The following MUC13 variants were observed in gnomAD, a reference collection of about 807,000 sequenced individuals.
MUC13 encodes mucin 13, cell surface associated, also known as mucin-13.
A neutral mutation model predicts 48.3 loss-of-function variants in MUC13; 32 were observed. The ratio of observed to expected loss-of-function variants is 0.66; its 90% CI spans 0.50 to 0.89. The LOEUF is 0.89. MUC13 is among the 40% of genes least tolerant of loss of function. MUC13 has a pLI of 0.00. For missense variants in MUC13, 571 were observed against 622.8 expected (o/e 0.92, Z 0.88); for synonymous variants, 199 against 224.9 (o/e 0.88, Z 1.03).
chr3:124,921,526 G>T (rs1009831034), intron 4 of MUC13, among the ~76,000 whole-genome samples: 1 of 152,130 alleles, frequency 6.6e-6, no homozygotes, highest in Non-Finnish European at 1.5e-5. Context: ...GTATTGGCTG[G>T]ACATGCTCTG....
At chr3:124,914,261 T>C (rs986132249) in intron 6 of MUC13, among the ~76,000 whole-genome samples, 2 of 151,812 alleles carry the variant, frequency 1.3e-5, no homozygotes, top group Non-Finnish European at 2.9e-5. Flanking sequence ...AATACAAAAA[T>C]TCGCTGGGTG....
Position 124,934,689 on chromosome 3 carries a change from A to G in MUC13, c.24T>C (p.Thr8=), listed in dbSNP as rs900575450. MKAIIHL[T]LLALLSVNTA... is the part of the protein sequence containing the mutation. ...TGTTTACAGAAAGGAGAGCAAGAAGAGTAAGATGAATGATGGCTTTCATTT... is the reference window on the plus strand; with the variant it reads ...TGTTTACAGAAAGGAGAGCAAGAAGGGTAAGATGAATGATGGCTTTCATTT... The change falls in exon 1 of 12, where the codon ACT becomes ACC. Residue 8 remains threonine (T), a synonymous_variant. Transcript: ENST00000616727. 8.7e-6 allele frequency: 14 copies of G among 1,610,724 alleles called. No individual in the cohort carries two copies. The highest frequency in any genetic ancestry group is 1.3e-5 in the African/African-American group (1 of 74,902).
intron 10 of MUC13, 141 bp from the exon 11 acceptor site, chr3:124,908,489 C>T (rs1935352807): frequency 4.1e-5 from 29 of 707,470 alleles, no homozygotes; most frequent in Middle Eastern, 4.0e-4. Context: ...TATATTACGG[C>T]GTTCTCACAC....
At chr3:124,912,221 C>T (rs1935431757) in intron 8 of MUC13, 80 bp from the exon 9 acceptor site, 2 of 1,565,118 alleles carry the variant, frequency 1.3e-6, no homozygotes, top group South Asian at 1.2e-5. Flanking sequence ...CCAATCTCCA[C>T]CTCTTCCTTT....
chr3:124,928,435 G>A (rs1935733838), intron 1 of MUC13, among the ~76,000 whole-genome samples: 1 of 152,120 alleles, frequency 6.6e-6, no homozygotes, highest in Non-Finnish European at 1.5e-5. Flanking sequence ...CTGGAGTGCA[G>A]TAGTGTGATC....
At chr3:124,928,788 G>C (rs1935739245) in intron 1 of MUC13, among the ~76,000 whole-genome samples, 1 of 152,148 alleles carries the variant, frequency 6.6e-6, no homozygotes, top group South Asian at 2.1e-4. Context: ...TTCTCAGTGA[G>C]GACAATTGAG....
At position 124,908,164 on chromosome 3, in the gene MUC13, G is replaced by T. The variant is rs371626642; in HGVS notation, c.1522C>A (p.Pro508Thr). ...QNPYSRHSSM[P>T]RPDY is the part of the protein sequence containing the mutation. ...TGACTCACCTAATAGTCAGGGCGGG[G>T]CATGCTGCTGTGTCTTGAATAGGGA... Residue 508 changes from proline to threonine, a missense_variant, in exon 11 of 12, where the codon CCC (proline) becomes ACC (threonine). Pro to Thr is a conservative substitution (Grantham distance 38). Coordinates refer to ENST00000616727, the MANE Select transcript of MUC13 (RefSeq NM_033049.4). 131 of 1,614,038 alleles carry T rather than the reference G, an allele frequency of 8.1e-5. No individual in the cohort carries two copies. The highest frequency in any genetic ancestry group is 1.1e-4 in the Non-Finnish European group (125 of 1,180,040).
rs1425248605 is a variant in MUC13 at position 124,905,449 on chromosome 3, T to C, written c.*1294A>G. 2 of 149,530 alleles carry C rather than the reference T, an allele frequency of 1.3e-5. No individual in the cohort carries two copies. Among genetic ancestry groups the C allele is most frequent in the Non-Finnish European group, 3.0e-5 (2 of 67,242 alleles). 9.3% of individuals were successfully genotyped at this position (149,530 alleles called of 1,614,324 possible). A position where few individuals can be genotyped will look rare whatever the true frequency, so the allele number is the denominator to read the frequency against. ...AAGCCCCAGACACAAGGACACCATC[T>C]AACAAAGGCACTTTATTGCATTACC... On this transcript the variant is annotated 3_prime_UTR_variant, in exon 12 of 12. Coordinates refer to ENST00000616727, the MANE Select transcript of MUC13 (RefSeq NM_033049.4).
At chr3:124,922,176 G>A in intron 4 of MUC13, 21 bp downstream of exon 4, 1 of 1,613,252 alleles carries the variant, frequency 6.2e-7, no homozygotes, top group Non-Finnish European at 8.5e-7. Context: ...TTTACAGAAA[G>A]GAAAGTTGGA....
rs1362670820 is a variant in MUC13, at chr3:124,922,115, A to C, written c.744+82T>G. 2.0e-6 allele frequency: 3 copies of C among 1,506,040 alleles called. No individual in the cohort carries two copies. The African/African-American group carries it at 4.2e-5, about 21-fold the overall frequency. 93.3% of individuals were successfully genotyped at this position (1,506,040 alleles called of 1,614,324 possible). A position where few individuals can be genotyped will look rare whatever the true frequency, so the allele number is the denominator to read the frequency against. On this transcript the variant is annotated intron_variant, in intron 4 of 11. Transcript: ENST00000616727. ...TGGTACGATGGTACGAGCGTGAACC[A>C]CCTGAAGACCAGCTCTACACTCTGC...
chr3:124,920,331 T>G (rs556410486), intron 4 of MUC13, 42 bp from the exon 5 acceptor site: 2 of 1,469,166 alleles, frequency 1.4e-6, no homozygotes, highest in South Asian at 2.5e-5. Context: ...AAAAAAATTT[T>G]TTTTTCACAT....
chr3:124,914,221 C>A (rs1248065561), intron 6 of MUC13, among the ~76,000 whole-genome samples: 1 of 151,792 alleles, frequency 6.6e-6, no homozygotes, highest in Non-Finnish European at 1.5e-5. Flanking sequence ...ACCAGCCTGA[C>A]CAACATGGTG....
chr3:124,906,977 T>C (rs1181617187), intron 11 of MUC13, among the ~76,000 whole-genome samples: 4 of 152,132 alleles, frequency 2.6e-5, no homozygotes, highest in Admixed American at 2.6e-4. Context: ...ATCTGTCTCC[T>C]GTCACTCTTC....
intron 2 of MUC13, among the ~76,000 whole-genome samples, chr3:124,925,482 C>T (rs1249503764): frequency 1.3e-5 from 2 of 152,152 alleles, no homozygotes; most frequent in African/African-American, 4.8e-5. Flanking sequence ...GGAGGTTTAT[C>T]AATTGTAATA....
At chr3:124,922,343 A>G in intron 3 of MUC13, 40 bp from the exon 4 acceptor site, 1 of 1,594,706 alleles carries the variant, frequency 6.3e-7, no homozygotes, top group Non-Finnish European at 8.5e-7. Flanking sequence ...ATTTGATGAA[A>G]AGAGGGTCAT....
intron 1 of MUC13, among the ~76,000 whole-genome samples, chr3:124,929,121 A>G (rs981822870): frequency 6.6e-6 from 1 of 151,856 alleles, no homozygotes; most frequent in Non-Finnish European, 1.5e-5. Context: ...CCCTGGACAC[A>G]TGGAGTAGTA....
rs775243363 is a variant in MUC13 at position 124,908,229 on chromosome 3, T to G, written c.1457A>C (p.Lys486Thr). 3.1e-6 allele frequency: 5 copies of G among 1,614,152 alleles called. No individual in the cohort carries two copies. The South Asian group carries it at 5.5e-5, about 18-fold the overall frequency. ...NLGAEGSVFP[K>T]VRITASRDSQ... is the part of the protein sequence containing the mutation. ...GTCTCTGGAGGCCGTTATCCTGACCTTAGGAAAGACGCTCCCTTCTGCTCC... is the reference window on the plus strand; with the variant it reads ...GTCTCTGGAGGCCGTTATCCTGACCGTAGGAAAGACGCTCCCTTCTGCTCC... Residue 486 changes from lysine to threonine, a missense_variant, in exon 11 of 12, where the codon AAG becomes ACG. Coordinates refer to ENST00000616727, the MANE Select transcript of MUC13 (RefSeq NM_033049.4).
At chr3:124,925,481 T>C (rs1203756483) in intron 2 of MUC13, among the ~76,000 whole-genome samples, 1 of 152,240 alleles carries the variant, frequency 6.6e-6, no homozygotes, top group East Asian at 1.9e-4. Flanking sequence ...TGGAGGTTTA[T>C]CAATTGTAAT....
rs1935707764 is a variant in MUC13 at position 124,927,468 on chromosome 3, C to T, written c.514+64G>A. On this transcript the variant is annotated intron_variant, in intron 2 of 11. Coordinates refer to ENST00000616727, the MANE Select transcript of MUC13 (RefSeq NM_033049.4). Reference sequence around the variant, plus strand: ...TTTTCCTACCCCACCAGAACATACCCACCTCCCTCCCTCCACAATTGTACT... The same window carrying T: ...TTTTCCTACCCCACCAGAACATACCTACCTCCCTCCCTCCACAATTGTACT... The T allele has an allele frequency of 2.7e-6, 4 of 1,505,706 alleles. No individual in the cohort carries two copies. The Admixed American group carries it at 7.0e-5, about 27-fold the overall frequency. The allele number at this position is 1,505,706 out of a possible 1,614,324, so 93.3% of individuals were successfully genotyped here.
Sources: gnomAD v4.1 joint callset for allele counts (sites outside exome capture counted in the v4.1 genomes callset) on GRCh38, gnomAD v4.1.1 for gene constraint, MANE v1.5 for transcripts, NCBI Gene and HGNC (gene_info 2026-07-23, HGNC 2026-07-21) for gene names.